RALGAPB: variants seen among roughly 807,000 people sequenced by gnomAD.
RALGAPB encodes the protein ral GTPase-activating protein subunit beta.
A neutral mutation model predicts 161.1 loss-of-function variants in RALGAPB; 25 were observed. That is an observed-to-expected ratio of 0.16 (90% CI 0.11 to 0.22). The LOEUF (loss-of-function observed/expected upper bound fraction) is 0.22, where lower values mean the gene tolerates loss of function less well. Among genes scored for constraint, RALGAPB ranks in the 10% least tolerant of loss-of-function variants. The probability of loss-of-function intolerance (pLI) is 1.00; values close to 1 mark genes in which losing one functional copy is unlikely to be tolerated. For missense variants in RALGAPB, 1,391 were observed against 1,815.2 expected (o/e 0.77, Z 4.25); for synonymous variants, 629 against 626.1 (o/e 1.00, Z -0.07).
At chr20:38,488,222 T>C (rs570672314) in intron 1 of RALGAPB, among the ~76,000 whole-genome samples, 181 bp from the exon 2 acceptor site, 8 of 152,344 alleles carry the variant, frequency 5.3e-5, no homozygotes, top group African/African-American at 1.9e-4. Flanking sequence ...ATAACATTTA[T>C]TTCATGACCC....
chr20:38,511,629 T>C (rs201006306), intron 6 of RALGAPB, among the ~76,000 whole-genome samples: 4 of 152,314 alleles, frequency 2.6e-5, no homozygotes, highest in East Asian at 1.9e-4. Context: ...GCACATGTTT[T>C]AGAGAGCACG....
Position 38,558,467 on chromosome 20 carries a change from A to ATT in RALGAPB, c.3531+25_3531+26dup, listed in dbSNP as rs36061549. On this transcript the variant is annotated intron_variant, in intron 23 of 29. Transcript: ENST00000262879. ...ACGAACCAAGAGGTAAGAGTTACGA[A>ATT]TTTTTTTTTTTTGGTATGTTTTTGT... The ATT allele has an allele frequency of 0.011, 13,634 of 1,254,862 alleles. 21 individuals are homozygous for ATT. The highest frequency in any genetic ancestry group is 0.012 in the Non-Finnish European group (11,149 of 922,466). The allele number at this position is 1,254,862 out of a possible 1,614,324, so 77.7% of individuals were successfully genotyped here.
chr20:38,532,209 C>T (rs1244214745), intron 14 of RALGAPB, among the ~76,000 whole-genome samples: 2 of 152,182 alleles, frequency 1.3e-5, no homozygotes, highest in South Asian at 2.1e-4. Context: ...GCGCCTGCCA[C>T]TGCGCCCGGC....
intron 1 of RALGAPB, among the ~76,000 whole-genome samples, chr20:38,481,841 A>G (rs925988527): frequency 3.9e-5 from 6 of 152,198 alleles, no homozygotes; most frequent in Admixed American, 6.5e-5. Context: ...GTGTCTCTGA[A>G]TGTTCATATG....
At chr20:38,568,262 CAAAAAA>C (rs11479909) in intron 26 of RALGAPB, among the ~76,000 whole-genome samples, 1 of 140,018 alleles carries the variant, frequency 7.1e-6, no homozygotes, top group Admixed American at 7.1e-5. Context: ...AAAACAAAAA[CAAAAAA>C]AAAACAAAGC....
chr20:38,516,408 T>G, intron 7 of RALGAPB, 38 bp downstream of exon 7: 1 of 1,566,110 alleles, frequency 6.4e-7, no homozygotes, highest in Non-Finnish European at 8.7e-7. Context: ...ATGAAGAGCT[T>G]CATTTAGATA....
chr20:38,525,274 T>C, intron 11 of RALGAPB, 130 bp from the exon 12 acceptor site: 1 of 706,628 alleles, frequency 1.4e-6, no homozygotes, highest in Non-Finnish European at 2.5e-6. Context: ...CAGTAACAGT[T>C]TAACTTAGAA....
At chr20:38,494,648 C>CAA (rs374807922) in intron 3 of RALGAPB, among the ~76,000 whole-genome samples, 4 of 151,566 alleles carry the variant, frequency 2.6e-5, no homozygotes, top group African/African-American at 9.7e-5. Flanking sequence ...CAAAACAAAA[C>CAA]AAAAAAAACA....
chr20:38,521,292 C>A (rs1158134222), intron 9 of RALGAPB, among the ~76,000 whole-genome samples: 1 of 152,058 alleles, frequency 6.6e-6, no homozygotes, highest in Non-Finnish European at 1.5e-5. Flanking sequence ...ACTGACAATG[C>A]CACTGTAAAT....
At chr20:38,553,069 A>G (rs1308576179) in intron 21 of RALGAPB, among the ~76,000 whole-genome samples, 3 of 152,200 alleles carry the variant, frequency 2.0e-5, no homozygotes, top group Non-Finnish European at 2.9e-5. Context: ...ATAGTAGAGC[A>G]CGAGCTCAGG....
chr20:38,553,777 C>CAA (rs35778032), intron 21 of RALGAPB, 90 bp from the exon 22 acceptor site: 80,257 of 264,266 alleles, frequency 0.3, 11,547 homozygotes, highest in Admixed American at 0.34. Flanking sequence ...AGCCCAGTCT[C>CAA]AAAAAAAAAA....
intron 1 of RALGAPB, among the ~76,000 whole-genome samples, chr20:38,484,740 G>A (rs138321228): frequency 1.3e-3 from 196 of 152,290 alleles, no homozygotes; most frequent in Non-Finnish European, 2.2e-3. Flanking sequence ...TTGTTGCCCA[G>A]GCTGGAGTGC....
At chr20:38,492,052 G>C (rs1051442147) in intron 2 of RALGAPB, among the ~76,000 whole-genome samples, 1 of 152,182 alleles carries the variant, frequency 6.6e-6, no homozygotes, top group Non-Finnish European at 1.5e-5. Context: ...ATATAGCTCA[G>C]ATGATGGTAG....
rs1238904215 is a variant in RALGAPB at position 38,576,076 on chromosome 20, C to G, written c.*1109C>G. The G allele has an allele frequency of 6.6e-6, 1 of 152,344 alleles. No homozygotes were observed. The highest frequency in any genetic ancestry group is 1.5e-5 in the Non-Finnish European group (1 of 68,042). The allele number at this position is 152,344 out of a possible 1,614,324, so 9.4% of individuals were successfully genotyped here. A position where few individuals can be genotyped will look rare whatever the true frequency, so the allele number is the denominator to read the frequency against. On this transcript the variant is annotated 3_prime_UTR_variant, in exon 30 of 30. Transcript: ENST00000262879. ...CTGGACTTTGCCAGCCAACAGATCCCTGCCAGGTTTTGGAAATACTTCTAT... is the reference window on the plus strand; with the variant it reads ...CTGGACTTTGCCAGCCAACAGATCCGTGCCAGGTTTTGGAAATACTTCTAT...
At chr20:38,483,177 C>T (rs1164414465) in intron 1 of RALGAPB, among the ~76,000 whole-genome samples, 1 of 152,202 alleles carries the variant, frequency 6.6e-6, no homozygotes, top group African/African-American at 2.4e-5. Flanking sequence ...GCGTGAGCCA[C>T]CATACCTGGC....
rs2086640470 is a variant in RALGAPB at position 38,531,152 on chromosome 20, T to C, written c.2051-15T>C. The C allele has an allele frequency of 6.3e-7, 1 of 1,588,256 alleles. No homozygotes were observed. The highest frequency in any genetic ancestry group is 8.6e-7 in the Non-Finnish European group (1 of 1,157,502). On this transcript the variant is annotated splice_polypyrimidine_tract_variant and intron_variant, in intron 13 of 29. Coordinates refer to ENST00000262879, the MANE Select transcript of RALGAPB (RefSeq NM_020336.4). The stretch of plus-strand genomic sequence containing the variant: ...TGTGTATTTTATATAAAATACTGTT[T>C]TATTGTTGTTGTAGGGGCAATGTTA...
chr20:38,554,515 A>G (rs927919917), intron 22 of RALGAPB, among the ~76,000 whole-genome samples: 2 of 152,204 alleles, frequency 1.3e-5, no homozygotes, highest in African/African-American at 4.8e-5. Flanking sequence ...TAAGTCAAGC[A>G]CTTCTTATGT....
chr20:38,493,436 A>G (rs1215672487), intron 3 of RALGAPB, among the ~76,000 whole-genome samples: 1 of 152,240 alleles, frequency 6.6e-6, no homozygotes, highest in African/African-American at 2.4e-5. Flanking sequence ...TTTGCCTATC[A>G]CAATTCTTGT....
intron 1 of RALGAPB, among the ~76,000 whole-genome samples, chr20:38,484,778 C>G (rs2085069884): frequency 2.0e-5 from 3 of 152,142 alleles, no homozygotes; most frequent in African/African-American, 7.2e-5. Context: ...TCACAGCAAC[C>G]TCTGTCTTCC....
Sources: gnomAD v4.1 joint callset for allele counts (sites outside exome capture counted in the v4.1 genomes callset) on GRCh38, gnomAD v4.1.1 for gene constraint, MANE v1.5 for transcripts, NCBI Gene and HGNC (gene_info 2026-07-23, HGNC 2026-07-21) for gene names.